RFX3: variants seen among roughly 807,000 people sequenced by gnomAD.
The protein encoded by RFX3 is transcription factor RFX3.
In RFX3, 14 loss-of-function variants were observed where a neutral mutation model predicts 98.6. The ratio of observed to expected loss-of-function variants is 0.14; its 90% confidence interval spans 0.09 to 0.22. RFX3 has a LOEUF of 0.22. Among genes scored for constraint, RFX3 ranks in the 10% least tolerant of loss-of-function variants. The pLI, the probability that RFX3 is intolerant of heterozygous loss-of-function variation, is 1.00. For synonymous variants in RFX3, 383 were observed against 328.4 expected (o/e 1.17, Z -1.80); for missense variants, 639 against 926.9 (o/e 0.69, Z 4.03).
intron 1 of RFX3, among the ~76,000 whole-genome samples, chr9:3,507,165 A>G (rs931280354): frequency 3.3e-5 from 5 of 151,998 alleles, no homozygotes; most frequent in African/African-American, 1.2e-4. Flanking sequence ...ACAAACAAAA[A>G]TCTAAATCAC....
At chr9:3,511,166 C>T (rs996890548) in intron 1 of RFX3, among the ~76,000 whole-genome samples, 1 of 151,998 alleles carries the variant, frequency 6.6e-6, no homozygotes, top group South Asian at 2.1e-4. Flanking sequence ...ATTTAATGCA[C>T]TGTATTTACC....
intron 2 of RFX3, among the ~76,000 whole-genome samples, chr9:3,378,555 C>CT (rs869126415): frequency 0.024 from 3,020 of 125,054 alleles, 60 homozygotes; most frequent in South Asian, 0.049. Context: ...TTTTTTCTTT[C>CT]TTTTTTTTTT....
At chr9:3,346,171 G>A (rs1168288904) in intron 3 of RFX3, among the ~76,000 whole-genome samples, 3 of 152,078 alleles carry the variant, frequency 2.0e-5, no homozygotes, top group Admixed American at 6.5e-5. Flanking sequence ...AGCTGGTTTC[G>A]GGCAGGGGGC....
chr9:3,524,989 G>T (rs547398336), intron 1 of RFX3, among the ~76,000 whole-genome samples: 76 of 141,798 alleles, frequency 5.4e-4, no homozygotes, highest in South Asian at 1.6e-3. Flanking sequence ...AGGGGTGTGT[G>T]GGGGGGGGGA....
At chr9:3,524,547 T>C (rs530614208) in intron 1 of RFX3, 349 of 976,286 alleles carry the variant, frequency 3.6e-4, no homozygotes, top group Non-Finnish European at 4.1e-4. Context: ...CAAAGGAAAA[T>C]GAGGAGATTA....
chr9:3,385,695 AAAAAAAAAAG>A (rs1391699784), intron 2 of RFX3, among the ~76,000 whole-genome samples: 4 of 146,026 alleles, frequency 2.7e-5, no homozygotes, highest in Non-Finnish European at 4.5e-5. Flanking sequence ...CTTAAAAAAA[AAAAAAAAAAG>A]AAAAGAAAAG....
At chr9:3,378,798 C>T (rs144905162) in intron 2 of RFX3, among the ~76,000 whole-genome samples, 14 of 152,056 alleles carry the variant, frequency 9.2e-5, no homozygotes, top group African/African-American at 2.9e-4. Flanking sequence ...TCAGGTGGTC[C>T]GTCTTCCTCA....
chr9:3,401,915 A>C (rs774168502), intron 1 of RFX3, among the ~76,000 whole-genome samples: 4 of 152,206 alleles, frequency 2.6e-5, no homozygotes, highest in Admixed American at 2.0e-4. Context: ...TGCTGAATGG[A>C]ACAAGATTAG....
chr9:3,471,169 A>G (rs1189214799), intron 1 of RFX3, among the ~76,000 whole-genome samples: 1 of 152,154 alleles, frequency 6.6e-6, no homozygotes, highest in East Asian at 1.9e-4. Flanking sequence ...TGTCCCACTC[A>G]CAGCTCAGGA....
rs1392925156 is a variant in RFX3 at position 3,504,867 on chromosome 9, ATATT to A, written c.-9+20876_-9+20879del. Among the ~76,000 whole-genome samples the A allele has an allele frequency of 2.8e-3, 218 of 77,438 alleles. 6 individuals are homozygous for A. Among genetic ancestry groups the A allele is most frequent in the Middle Eastern group, 0.014 (1 of 70 alleles). 50.8% of individuals were successfully genotyped at this position (77,438 alleles called of 152,430 possible). A position where few individuals can be genotyped will look rare whatever the true frequency, so the allele number is the denominator to read the frequency against. On this transcript the variant is annotated intron_variant, in intron 1 of 16. Transcript: ENST00000617270. ...ATATATATTATATATGATATAATAT[ATATT>A]ATATATATTATATATAATATAACAT...
intron 5 of RFX3, 92 bp from the exon 6 acceptor site, chr9:3,293,350 A>AGAAGTTCTTC (rs1437689739): frequency 1.1e-6 from 1 of 904,394 alleles, no homozygotes; most frequent in East Asian, 2.6e-5. Context: ...AGAAATACTT[A>AGAAGTTCTTC]GAAGTTCTTC....
intron 1 of RFX3, among the ~76,000 whole-genome samples, chr9:3,423,079 G>A (rs190677841): frequency 6.6e-6 from 1 of 152,228 alleles, no homozygotes. Flanking sequence ...GATGACTACA[G>A]GCTTCTTCCT....
intron 1 of RFX3, among the ~76,000 whole-genome samples, chr9:3,488,272 G>A (rs1036984408): frequency 1.3e-5 from 2 of 152,134 alleles, no homozygotes; most frequent in Admixed American, 6.6e-5. Flanking sequence ...TTTACCAAGA[G>A]AAGGACTTCA....
At chr9:3,261,178 A>G (rs905317241) in intron 13 of RFX3, among the ~76,000 whole-genome samples, 1 of 152,078 alleles carries the variant, frequency 6.6e-6, no homozygotes, top group African/African-American at 2.4e-5. Flanking sequence ...TCATCTAAAG[A>G]ATACCGTTCA....
At chr9:3,495,370 T>C (rs972443046) in intron 1 of RFX3, among the ~76,000 whole-genome samples, 4 of 151,952 alleles carry the variant, frequency 2.6e-5, no homozygotes, top group African/African-American at 9.7e-5. Context: ...AAGTCAGACA[T>C]TGCACCACAC....
chr9:3,409,051 G>A (rs1842238309), intron 1 of RFX3, among the ~76,000 whole-genome samples: 2 of 152,172 alleles, frequency 1.3e-5, no homozygotes, highest in South Asian at 4.1e-4. Context: ...TTAAGTTGAT[G>A]GTTCAAGCTT....
At chr9:3,277,255 C>T (rs1476332135) in intron 8 of RFX3, 85 bp downstream of exon 8, 2 of 1,393,442 alleles carry the variant, frequency 1.4e-6, no homozygotes, top group Non-Finnish European at 2.0e-6. Context: ...ATGTCATTGA[C>T]ATCTATAATA....
intron 1 of RFX3, among the ~76,000 whole-genome samples, chr9:3,494,491 G>C (rs1007298488): frequency 1.3e-5 from 2 of 152,102 alleles, no homozygotes; most frequent in Admixed American, 6.6e-5. Flanking sequence ...TACTTTTCAA[G>C]CTAGAAATGT....
At chr9:3,248,000 C>G in intron 15 of RFX3, 32 bp downstream of exon 15, 1 of 1,613,964 alleles carries the variant, frequency 6.2e-7, no homozygotes, top group Non-Finnish European at 8.5e-7. Flanking sequence ...TTTAATAACC[C>G]AGTGGGTCAC....
Sources: allele counts gnomAD v4.1 joint callset (sites outside exome capture counted in the v4.1 genomes callset), GRCh38; gene constraint gnomAD v4.1.1; transcripts MANE v1.5; gene names NCBI Gene and HGNC (gene_info 2026-07-23, HGNC 2026-07-21).